KIF6: variants seen among roughly 807,000 people sequenced by gnomAD.
The protein encoded by KIF6 is kinesin-like protein KIF6.
A neutral mutation model predicts 112.7 loss-of-function variants in KIF6; 106 were observed. The observed-to-expected ratio is 0.94, with a 90% CI of 0.80 to 1.11. KIF6 has a LOEUF of 1.11. KIF6 is among the 50% of genes least tolerant of loss of function. The pLI is 0.00. For synonymous variants in KIF6, 339 were observed against 339.9 expected (o/e 1.00, Z 0.03); for missense variants, 929 against 964.0 (o/e 0.96, Z 0.48).
intron 13 of KIF6, among the ~76,000 whole-genome samples, chr6:39,440,837 T>C (rs903806342): frequency 6.6e-6 from 1 of 152,186 alleles, no homozygotes; most frequent in African/African-American, 2.4e-5. Context: ...GGAGTGGTGC[T>C]GGATGTCTCC....
chr6:39,642,337 T>A (rs189671707), intron 3 of KIF6, among the ~76,000 whole-genome samples: 1 of 152,144 alleles, frequency 6.6e-6, no homozygotes, highest in Non-Finnish European at 1.5e-5. Context: ...ATGAGCTTTG[T>A]GGTATTTTAA....
chr6:39,639,243 G>A (rs1315770258), intron 4 of KIF6, among the ~76,000 whole-genome samples: 2 of 152,024 alleles, frequency 1.3e-5, no homozygotes, highest in Non-Finnish European at 2.9e-5. Context: ...ATACTATCCT[G>A]TTTAGTGTTT....
At chr6:39,656,608 C>T (rs560251465) in intron 3 of KIF6, among the ~76,000 whole-genome samples, 22 of 152,162 alleles carry the variant, frequency 1.4e-4, no homozygotes, top group Non-Finnish European at 2.5e-4. Flanking sequence ...AACCTGTCTA[C>T]AGTACCCAAA....
chr6:39,640,776 CACTTATGACCACCTTATGCAACTATTAA>C (rs1271423382), intron 3 of KIF6, among the ~76,000 whole-genome samples: 2 of 152,094 alleles, frequency 1.3e-5, no homozygotes, highest in African/African-American at 4.8e-5. Flanking sequence ...CTGAAGTGGT[CACTTATGACCACCTTATGCAACTATTAA>C]ACTTATGACC....
rs375134563 is a variant in KIF6 at position 39,542,778 on chromosome 6, C to T, written c.1426+1777G>A. ...GCTCAAAGCACTTATGGGCTTTTCT[C>T]AGCAGGTCTTATGGTCCTGCTCCTG... On this transcript the variant is annotated intron_variant, in intron 12 of 22. Coordinates refer to ENST00000287152, the MANE Select transcript of KIF6 (RefSeq NM_145027.6). Among the ~76,000 whole-genome samples the T allele has an allele frequency of 2.6e-5, 4 of 152,324 alleles. No homozygotes were observed. The East Asian group carries it at 5.8e-4, about 22-fold the overall frequency.
At position 39,603,927 on chromosome 6, in the gene KIF6, G is replaced by A. The variant is rs376072994; in HGVS notation, c.640-7667C>T. ...TTGTTATCTTGGAGTAAAATATCTC[G>A]ACAGGAATTTCCACTAATCTAGAAT... On this transcript the variant is annotated intron_variant, in intron 6 of 22. Coordinates refer to ENST00000287152, the MANE Select transcript of KIF6 (RefSeq NM_145027.6). 2.6e-4 allele frequency among the ~76,000 whole-genome samples: 40 copies of A among 151,798 alleles called. No individual in the cohort carries two copies. The South Asian group carries it at 6.1e-3, about 23-fold the overall frequency.
chr6:39,656,918 T>C lies in KIF6; in HGVS notation c.252-17161A>G, dbSNP rs116211554. On this transcript the variant is annotated intron_variant, in intron 3 of 22. Coordinates refer to ENST00000287152, the MANE Select transcript of KIF6 (RefSeq NM_145027.6). ...TCATCATACCTTTCACTAATTTTCT[T>C]GTCTATTTGACTCATAAGATTGTGT... Among the ~76,000 whole-genome samples the C allele has an allele frequency of 4.4e-3, 665 of 152,280 alleles. 6 individuals are homozygous for C. Among genetic ancestry groups the C allele is most frequent in the African/African-American group, 0.016 (646 of 41,558 alleles).
chr6:39,339,829 C>T (rs764274122), intron 22 of KIF6, among the ~76,000 whole-genome samples: 1 of 152,186 alleles, frequency 6.6e-6, no homozygotes, highest in East Asian at 1.9e-4. Flanking sequence ...CATCCTGGCC[C>T]TTGGTGAAGC....
At chr6:39,529,600 C>T (rs1374316975) in intron 13 of KIF6, among the ~76,000 whole-genome samples, 1 of 152,122 alleles carries the variant, frequency 6.6e-6, no homozygotes, top group Non-Finnish European at 1.5e-5. Flanking sequence ...TTCTGGTTAA[C>T]ACAGTGAAAC....
intron 5 of KIF6, among the ~76,000 whole-genome samples, chr6:39,632,770 G>A (rs1275716663): frequency 6.6e-6 from 1 of 151,838 alleles, no homozygotes; most frequent in Non-Finnish European, 1.5e-5. Flanking sequence ...GACTACAGAA[G>A]CCACCACACC....
chr6:39,676,322 A>G (rs998839708), intron 3 of KIF6, among the ~76,000 whole-genome samples: 1 of 150,968 alleles, frequency 6.6e-6, no homozygotes, highest in Admixed American at 6.6e-5. Flanking sequence ...TGGAATCGTT[A>G]TCTTCAACAT....
At chr6:39,575,788 C>T (rs187138800) in intron 10 of KIF6, among the ~76,000 whole-genome samples, 1 of 152,254 alleles carries the variant, frequency 6.6e-6, no homozygotes, top group Admixed American at 6.5e-5. Context: ...CTAGCCCTCT[C>T]CTGCTCCAGG....
rs143093562 is a variant in KIF6, at chr6:39,482,006, G to GCACACACACACACA, written c.1646-50859_1646-50846dup. 1.5e-4 allele frequency among the ~76,000 whole-genome samples: 21 copies of GCACACACACACACA among 141,242 alleles called. No homozygotes were observed. In the East Asian group the frequency reaches 2.6e-3, roughly 17 times the overall value. 92.7% of individuals were successfully genotyped at this position (141,242 alleles called of 152,430 possible). On this transcript the variant is annotated intron_variant, in intron 13 of 22. Coordinates refer to ENST00000287152, the MANE Select transcript of KIF6 (RefSeq NM_145027.6). ...GAGATAAAGACAACGGGACCTTTAG[G>GCACACACACACACA]CACACACACACACACACACACACAC...
chr6:39,579,482 G>A (rs115941786), intron 9 of KIF6, among the ~76,000 whole-genome samples: 153 of 151,908 alleles, frequency 1.0e-3, no homozygotes, highest in African/African-American at 3.2e-3. Flanking sequence ...TGAATCCTTC[G>A]TTAGTTTTAT....
intron 16 of KIF6, among the ~76,000 whole-genome samples, chr6:39,377,352 C>T (rs867710992): frequency 4.7e-5 from 7 of 149,576 alleles, no homozygotes; most frequent in Middle Eastern, 3.2e-3. Flanking sequence ...CCTGCCCTGC[C>T]GTCCCCCATC....
chr6:39,568,904 T>C (rs746456681), intron 10 of KIF6, among the ~76,000 whole-genome samples: 18 of 152,178 alleles, frequency 1.2e-4, no homozygotes, highest in Non-Finnish European at 2.5e-4. Context: ...TCAGTCATGT[T>C]TCAAACAATC....
intron 3 of KIF6, among the ~76,000 whole-genome samples, chr6:39,650,759 C>T (rs976894002): frequency 1.3e-5 from 2 of 151,930 alleles, no homozygotes; most frequent in Admixed American, 6.6e-5. Flanking sequence ...AGGACAGAAT[C>T]GTGCATAAAA....
intron 3 of KIF6, among the ~76,000 whole-genome samples, chr6:39,685,420 C>A (rs762019915): frequency 5.9e-5 from 9 of 151,874 alleles, no homozygotes; most frequent in South Asian, 2.1e-4. Flanking sequence ...ATTTACTCAG[C>A]GAAGTATGAG....
chr6:39,380,721 C>T (rs1472793859), intron 16 of KIF6, among the ~76,000 whole-genome samples: 2 of 152,090 alleles, frequency 1.3e-5, no homozygotes, highest in East Asian at 3.9e-4. Flanking sequence ...TTTGAAGCCA[C>T]CAGTATGATC....
Sources: gnomAD v4.1 joint callset for allele counts (sites outside exome capture counted in the v4.1 genomes callset) on GRCh38, gnomAD v4.1.1 for gene constraint, MANE v1.5 for transcripts, NCBI Gene and HGNC (gene_info 2026-07-23, HGNC 2026-07-21) for gene names.